CSMD1: variants seen among roughly 807,000 people sequenced by gnomAD.
CSMD1 encodes the protein CUB and sushi domain-containing protein 1.
In CSMD1, 213 loss-of-function variants were observed where a neutral mutation model predicts 417.5. That is an observed-to-expected ratio of 0.51 (90% CI 0.46 to 0.57). The LOEUF (loss-of-function observed/expected upper bound fraction) is 0.57. Among genes scored for constraint, CSMD1 ranks in the 20% least tolerant of loss-of-function variants. The pLI is 0.00. For synonymous variants in CSMD1, 2,862 were observed against 1,736.8 expected, an observed-to-expected ratio of 1.65 and a Z score of -16.11; for missense variants, 6,923 against 4,529.7, an observed-to-expected ratio of 1.53 and a Z score of -15.17.
chr8:3,300,379 CT>C (rs1378070532), intron 25 of CSMD1, among the ~76,000 whole-genome samples: 3 of 151,674 alleles, frequency 2.0e-5, no homozygotes, highest in Non-Finnish European at 4.4e-5. Context: ...TTCTGCAGCA[CT>C]TTATTATTTT....
chr8:3,257,075 A>T (rs1044049059), intron 26 of CSMD1, among the ~76,000 whole-genome samples: 1 of 152,220 alleles, frequency 6.6e-6, no homozygotes, highest in Non-Finnish European at 1.5e-5. Context: ...TAATCCCAGC[A>T]CTTTGGGAGG....
At chr8:3,268,538 G>C (rs775179130) in intron 26 of CSMD1, among the ~76,000 whole-genome samples, 1 of 151,696 alleles carries the variant, frequency 6.6e-6, no homozygotes, top group Non-Finnish European at 1.5e-5. Context: ...CGCCCACCTC[G>C]GCCTCCTAAA....
intron 10 of CSMD1, among the ~76,000 whole-genome samples, chr8:3,556,353 G>C (rs1216488769): frequency 7.7e-6 from 1 of 130,314 alleles, no homozygotes; most frequent in Non-Finnish European, 1.6e-5. Flanking sequence ...GATTTTATTA[G>C]CTATCTACCC....
chr8:4,677,082 G>T (rs1031493632), intron 1 of CSMD1, among the ~76,000 whole-genome samples: 2 of 144,068 alleles, frequency 1.4e-5, no homozygotes, highest in South Asian at 4.4e-4. Context: ...GATATATATA[G>T]GGATATATAT....
intron 7 of CSMD1, among the ~76,000 whole-genome samples, chr8:3,638,608 T>G (rs1797156031): frequency 1.3e-5 from 2 of 152,184 alleles, no homozygotes; most frequent in South Asian, 2.1e-4. Context: ...TGTGCTACCT[T>G]TCTCCTGCCC....
intron 5 of CSMD1, among the ~76,000 whole-genome samples, chr8:3,838,710 AT>A (rs1802878505): frequency 1.3e-5 from 1 of 79,014 alleles, no homozygotes; most frequent in Non-Finnish European, 2.1e-5. Context: ...ATTATATAGT[AT>A]AATATATAAT....
chr8:3,385,251 G>C (rs1433278903), intron 18 of CSMD1, among the ~76,000 whole-genome samples: 1 of 148,318 alleles, frequency 6.7e-6, no homozygotes, highest in African/African-American at 2.5e-5. Context: ...GCATATGTAT[G>C]TATACATGTG....
At chr8:4,262,760 C>G (rs552748359) in intron 3 of CSMD1, among the ~76,000 whole-genome samples, 385 of 152,292 alleles carry the variant, frequency 2.5e-3, no homozygotes, top group African/African-American at 8.6e-3. Context: ...TACTTCCTTG[C>G]AAACTCAGCT....
At chr8:4,174,144 C>A (rs960336969) in intron 3 of CSMD1, among the ~76,000 whole-genome samples, 2 of 152,108 alleles carry the variant, frequency 1.3e-5, no homozygotes, top group African/African-American at 2.4e-5. Context: ...GGTCACCCAC[C>A]AAAGGCTCGT....
chr8:4,174,464 A>C (rs1273262045), intron 3 of CSMD1, among the ~76,000 whole-genome samples: 1 of 151,728 alleles, frequency 6.6e-6, no homozygotes, highest in African/African-American at 2.4e-5. Context: ...TGTTTAAATA[A>C]TAGGTTTGGA....
intron 3 of CSMD1, among the ~76,000 whole-genome samples, chr8:4,104,769 T>C (rs1801484302): frequency 6.6e-6 from 1 of 152,198 alleles, no homozygotes; most frequent in African/African-American, 2.4e-5. Context: ...GGCTTTCCGT[T>C]TCCCAGGAAC....
chr8:4,951,098 G>GA (rs1251279776), intron 1 of CSMD1, among the ~76,000 whole-genome samples: 16 of 152,128 alleles, frequency 1.1e-4, no homozygotes, highest in African/African-American at 3.4e-4. Flanking sequence ...TAGACAATGT[G>GA]AAAAAAATGT....
At chr8:3,901,575 T>G (rs1807755073) in intron 5 of CSMD1, among the ~76,000 whole-genome samples, 1 of 152,212 alleles carries the variant, frequency 6.6e-6, no homozygotes, top group Non-Finnish European at 1.5e-5. Context: ...GAGTCCTCAT[T>G]CGGAGAGCCT....
At chr8:2,983,741 G>A (rs1289202777) in intron 54 of CSMD1, among the ~76,000 whole-genome samples, 1 of 152,142 alleles carries the variant, frequency 6.6e-6, no homozygotes, top group Non-Finnish European at 1.5e-5. Context: ...AACTATGATC[G>A]AGGTCGTGCC....
chr8:3,423,553 G>A (rs151077037), intron 12 of CSMD1, among the ~76,000 whole-genome samples: 24 of 152,146 alleles, frequency 1.6e-4, no homozygotes, highest in Non-Finnish European at 2.9e-4. Context: ...TGTGGCTTTG[G>A]CACCATTTGT....
At position 4,637,434 on chromosome 8, in the gene CSMD1, T is replaced by G. The variant is rs1000907257; in HGVS notation, c.210A>C (p.Ile70=). 11 of 1,613,746 alleles carry G rather than the reference T, an allele frequency of 6.8e-6. No individual in the cohort carries two copies. Among genetic ancestry groups the G allele is most frequent in the Non-Finnish European group, 8.5e-6 (10 of 1,179,868 alleles). The change falls in exon 2 of 70, where the codon ATA becomes ATC. Residue 70 remains isoleucine, a synonymous_variant. Transcript: ENST00000635120. ...WIIITGERNR[I]QLSFHTFALE... The stretch of plus-strand genomic sequence containing the variant: ...GAGCAAAGGTATGGAAGGACAACTG[T>G]ATCCTATTGCGCTCGCCCGTGATGA...
At chr8:4,177,442 G>C (rs989735205) in intron 3 of CSMD1, among the ~76,000 whole-genome samples, 1 of 151,868 alleles carries the variant, frequency 6.6e-6, no homozygotes, top group Non-Finnish European at 1.5e-5. Context: ...TGTGTAGAGG[G>C]AAACTTATAG....
intron 9 of CSMD1, among the ~76,000 whole-genome samples, chr8:3,578,922 C>T (rs1045696237): frequency 1.5e-4 from 23 of 152,172 alleles, no homozygotes; most frequent in Admixed American, 7.2e-4. Flanking sequence ...AAGTTGCCAT[C>T]GTGGATATCT....
intron 8 of CSMD1, among the ~76,000 whole-genome samples, chr8:3,606,068 T>C (rs1306919424): frequency 1.3e-5 from 2 of 152,078 alleles, no homozygotes. Context: ...GTAACATAAA[T>C]ACATGTATAA....
Sources: allele counts gnomAD v4.1 joint callset (sites outside exome capture counted in the v4.1 genomes callset), GRCh38; gene constraint gnomAD v4.1.1; transcripts MANE v1.5; gene names NCBI Gene and HGNC (gene_info 2026-07-23, HGNC 2026-07-21).